Variants in SLC16A7 observed in about 807,000 individuals in gnomAD.
The protein encoded by SLC16A7 is solute carrier family 16 member 7, also known as monocarboxylate transporter 2.
A neutral mutation model predicts 34.9 loss-of-function variants in SLC16A7; 33 were observed. That is an observed-to-expected ratio of 0.94 (90% CI 0.72 to 1.26). SLC16A7 has a LOEUF of 1.26. Ranked by LOEUF, SLC16A7 falls within the 50% of genes most tolerant of loss-of-function variation. The probability of loss-of-function intolerance (pLI) is 0.00; values close to 1 mark genes in which losing one functional copy is unlikely to be tolerated. For missense variants in SLC16A7, 573 were observed against 578.1 expected (o/e 0.99, Z 0.09); for synonymous variants, 201 against 206.6 (o/e 0.97, Z 0.23).
chr12:59,637,351 T>A (rs1880474854), intron 1 of SLC16A7, among the ~76,000 whole-genome samples: 1 of 152,152 alleles, frequency 6.6e-6, no homozygotes, highest in Non-Finnish European at 1.5e-5. Context: ...TTTTTTCTGC[T>A]AAATATTTTA....
intron 2 of SLC16A7, among the ~76,000 whole-genome samples, chr12:59,701,480 A>G (rs1219338507): frequency 2.6e-5 from 4 of 151,414 alleles, no homozygotes; most frequent in African/African-American, 9.7e-5. Context: ...GTGTGTGTGT[A>G]CATTCTGTCT....
chr12:59,751,177 G>T (rs141235391), intron 3 of SLC16A7, among the ~76,000 whole-genome samples: 1 of 152,310 alleles, frequency 6.6e-6, no homozygotes, highest in Admixed American at 6.5e-5. Flanking sequence ...CGTGAGCGAC[G>T]CAGAAGACGG....
At chr12:59,704,471 T>C (rs1279917599) in intron 2 of SLC16A7, among the ~76,000 whole-genome samples, 1 of 152,104 alleles carries the variant, frequency 6.6e-6, no homozygotes. Flanking sequence ...CTATGACTGA[T>C]GTATAATGTA....
At chr12:59,601,391 G>A (rs1401095356) in intron 1 of SLC16A7, among the ~76,000 whole-genome samples, 4 of 152,096 alleles carry the variant, frequency 2.6e-5, no homozygotes, top group Non-Finnish European at 5.9e-5. Context: ...GTTTCTAAGG[G>A]ATATTAACAT....
chr12:59,719,871 C>G (rs1342048506), intron 3 of SLC16A7: 5 of 507,726 alleles, frequency 9.8e-6, no homozygotes, highest in African/African-American at 2.0e-5. Context: ...CACGGAGTGG[C>G]CCAAAATAGA....
At chr12:59,734,099 T>C in intron 3 of SLC16A7, 1 of 233,746 alleles carries the variant, frequency 4.3e-6, no homozygotes, top group Admixed American at 4.9e-5. Flanking sequence ...TGTCTCTGGA[T>C]TAAAGGTGGG....
At chr12:59,618,362 A>C (rs1483767048) in intron 1 of SLC16A7, among the ~76,000 whole-genome samples, 1 of 151,984 alleles carries the variant, frequency 6.6e-6, no homozygotes, top group African/African-American at 2.4e-5. Flanking sequence ...ATGTTTCCAT[A>C]TAATCTCATT....
chr12:59,747,305 C>T (rs918951663), intron 3 of SLC16A7, among the ~76,000 whole-genome samples: 1 of 152,132 alleles, frequency 6.6e-6, no homozygotes, highest in African/African-American at 2.4e-5. Flanking sequence ...TTATGTTGTA[C>T]ATTTCAATAA....
chr12:59,601,987 G>C (rs1242395425), intron 1 of SLC16A7, among the ~76,000 whole-genome samples: 4 of 152,128 alleles, frequency 2.6e-5, no homozygotes, highest in Non-Finnish European at 5.9e-5. Flanking sequence ...TAAGTCAGTG[G>C]CTTTCCCTTA....
chr12:59,773,924 G>C (rs1882480456), intron 4 of SLC16A7, among the ~76,000 whole-genome samples: 1 of 152,164 alleles, frequency 6.6e-6, no homozygotes, highest in African/African-American at 2.4e-5. Context: ...GCCTTAGTGA[G>C]CTACAAGAGG....
chr12:59,633,219 T>C lies in SLC16A7; in HGVS notation c.-129-21933T>C, dbSNP rs1283948661. On this transcript the variant is annotated intron_variant, in intron 1 of 5. Transcript: ENST00000547379. ...CCTTTGTACTATTTGTATTTGCTAA[T>C]ATCAGTTCTACCCAACCCTACTCTA... Among the ~76,000 whole-genome samples the C allele has an allele frequency of 4.6e-5, 7 of 152,056 alleles. 1 individual carries two copies. Among genetic ancestry groups the C allele is most frequent in the Admixed American group, 3.9e-4 (6 of 15,242 alleles).
chr12:59,660,945 A>G (rs1341465303), intron 2 of SLC16A7, among the ~76,000 whole-genome samples: 1 of 152,060 alleles, frequency 6.6e-6, no homozygotes, highest in Non-Finnish European at 1.5e-5. Context: ...ATGACTTCTT[A>G]TTTTACAAAT....
chr12:59,774,534 C>A, intron 4 of SLC16A7, 123 bp from the exon 5 acceptor site: 1 of 581,386 alleles, frequency 1.7e-6, no homozygotes, highest in Non-Finnish European at 3.1e-6. Flanking sequence ...TCAAAATGTA[C>A]TATATGATAT....
chr12:59,606,845 T>A (rs973287619), intron 1 of SLC16A7, among the ~76,000 whole-genome samples: 2 of 149,002 alleles, frequency 1.3e-5, no homozygotes, highest in African/African-American at 4.9e-5. Context: ...TGTGTGTATG[T>A]GTGAATATAT....
chr12:59,702,357 A>G (rs1212128519), intron 2 of SLC16A7, among the ~76,000 whole-genome samples: 1 of 152,012 alleles, frequency 6.6e-6, no homozygotes, highest in Admixed American at 6.6e-5. Flanking sequence ...TAATAGATGA[A>G]TAGATAGATA....
intron 3 of SLC16A7, among the ~76,000 whole-genome samples, chr12:59,730,829 G>A (rs533938077): frequency 6.6e-6 from 1 of 152,196 alleles, no homozygotes; most frequent in African/African-American, 2.4e-5. Context: ...ATTTAAGAAA[G>A]TTTCATGGTC....
At chr12:59,628,802 C>T (rs1880049450) in intron 1 of SLC16A7, among the ~76,000 whole-genome samples, 3 of 151,894 alleles carry the variant, frequency 2.0e-5, no homozygotes, top group African/African-American at 7.2e-5. Context: ...TTGAATTTTC[C>T]AATCCTTAGG....
At chr12:59,610,741 A>G (rs1163934426) in intron 1 of SLC16A7, among the ~76,000 whole-genome samples, 5 of 152,250 alleles carry the variant, frequency 3.3e-5, no homozygotes, top group Non-Finnish European at 7.3e-5. Context: ...ATGATGTTCC[A>G]GCATACATGT....
chr12:59,627,622 C>T (rs2136989392), intron 1 of SLC16A7, among the ~76,000 whole-genome samples: 1 of 151,906 alleles, frequency 6.6e-6, no homozygotes, highest in Non-Finnish European at 1.5e-5. Flanking sequence ...CATATTTACT[C>T]AGTTCCCATT....
Sources: allele counts gnomAD v4.1 joint callset (sites outside exome capture counted in the v4.1 genomes callset), GRCh38; gene constraint gnomAD v4.1.1; transcripts MANE v1.5; gene names NCBI Gene and HGNC (gene_info 2026-07-23, HGNC 2026-07-21).